LPP: variants seen among roughly 807,000 people sequenced by gnomAD.
The protein encoded by LPP is lipoma-preferred partner.
In LPP, 38 loss-of-function variants were observed where a neutral mutation model predicts 60.4. The ratio of observed to expected loss-of-function variants is 0.63; its 90% confidence interval spans 0.49 to 0.83. The LOEUF (loss-of-function observed/expected upper bound fraction) is 0.83. Ranked by LOEUF, LPP falls within the 40% of genes least tolerant of loss-of-function variation. The pLI is 0.00. For synonymous variants in LPP, 328 were observed against 290.8 expected (o/e 1.13, Z -1.30); for missense variants, 902 against 783.6 (o/e 1.15, Z -1.80).
chr3:188,883,025 A>G lies in LPP; in HGVS notation c.*8546A>G, dbSNP rs2152088149. On this transcript the variant is annotated 3_prime_UTR_variant, in exon 12 of 12. Transcript: ENST00000617246. ...CTGACTCTACTTAAACATCACCTGT[A>G]TCAGGGAGCTCATTATTCCTTGAGG... 1 of 198,180 alleles carries G rather than the reference A, an allele frequency of 5.0e-6. No individual in the cohort carries two copies. The highest frequency in any genetic ancestry group is 1.0e-5 in the Non-Finnish European group (1 of 95,774). 12.3% of individuals were successfully genotyped at this position (198,180 alleles called of 1,614,324 possible).
At chr3:188,564,819 T>C (rs866780545) in intron 6 of LPP, among the ~76,000 whole-genome samples, 89 of 152,056 alleles carry the variant, frequency 5.9e-4, no homozygotes, top group African/African-American at 2.1e-3. Flanking sequence ...GGTGGGTCTT[T>C]GTTGGACAAG....
At chr3:188,716,488 G>C (rs1241875870) in intron 8 of LPP, among the ~76,000 whole-genome samples, 2 of 152,210 alleles carry the variant, frequency 1.3e-5, no homozygotes, top group Non-Finnish European at 2.9e-5. Flanking sequence ...AAGTGAGCTT[G>C]TCCAGAGGAC....
intron 7 of LPP, among the ~76,000 whole-genome samples, chr3:188,660,174 G>C (rs925958741): frequency 2.6e-5 from 4 of 151,986 alleles, no homozygotes. Flanking sequence ...CTTTTGCCTT[G>C]GTTCTCCTGA....
At chr3:188,667,279 C>G (rs1269663070) in intron 7 of LPP, among the ~76,000 whole-genome samples, 2 of 151,936 alleles carry the variant, frequency 1.3e-5, no homozygotes, top group African/African-American at 4.8e-5. Context: ...GAGATAGAGA[C>G]CATCCTGGCT....
chr3:188,866,346 C>T lies in LPP; in HGVS notation c.1557C>T (p.Gly519=), dbSNP rs745721979. The T allele has an allele frequency of 3.3e-5, 52 of 1,559,506 alleles. No individual in the cohort carries two copies. In the Middle Eastern group the frequency reaches 5.1e-4, roughly 15 times the overall value. Residue 519 remains glycine (G), a synonymous_variant, in exon 10 of 12, where the codon GGC becomes GGT. Transcript: ENST00000617246. ...LDGIPFTVDA[G]GLIHCIEDFH... is the part of the protein sequence containing the mutation. ...GGATCCCATTCACTGTGGATGCTGGCGGGCTCATTCACTGCATTGAGGACT... is the reference window on the plus strand; with the variant it reads ...GGATCCCATTCACTGTGGATGCTGGTGGGCTCATTCACTGCATTGAGGACT...
At chr3:188,657,606 T>C (rs979250477) in intron 7 of LPP, among the ~76,000 whole-genome samples, 2 of 152,034 alleles carry the variant, frequency 1.3e-5, no homozygotes, top group East Asian at 3.9e-4. Context: ...GAGCCTGATA[T>C]CTATGGGCCT....
At position 188,875,412 on chromosome 3, in the gene LPP, A is replaced by G. The variant is rs1259258967; in HGVS notation, c.*933A>G. The G allele has an allele frequency of 4.6e-6, 1 of 217,032 alleles. No individual in the cohort carries two copies. Among genetic ancestry groups the G allele is most frequent in the African/African-American group, 2.3e-5 (1 of 44,418 alleles). 13.4% of individuals were successfully genotyped at this position (217,032 alleles called of 1,614,324 possible). The stretch of plus-strand genomic sequence containing the variant: ...GTTTATTCTAATATCCAACACAACT[A>G]TCAAAATTGCCTTTTTCTCTAGAGG... On this transcript the variant is annotated 3_prime_UTR_variant, in exon 12 of 12. Coordinates refer to ENST00000617246, the MANE Select transcript of LPP (RefSeq NM_001375462.1).
chr3:188,740,086 G>C (rs1723887481), intron 8 of LPP, among the ~76,000 whole-genome samples: 1 of 152,052 alleles, frequency 6.6e-6, no homozygotes, highest in South Asian at 2.1e-4. Flanking sequence ...AGGCCAGACT[G>C]TATCCCCTTA....
At chr3:188,768,768 A>G (rs921200898) in intron 9 of LPP, among the ~76,000 whole-genome samples, 3 of 152,206 alleles carry the variant, frequency 2.0e-5, no homozygotes, top group Admixed American at 1.3e-4. Flanking sequence ...GTTCTATTCC[A>G]TGATCATGTT....
At chr3:188,294,475 T>G (rs144538110) in intron 2 of LPP, among the ~76,000 whole-genome samples, 2 of 152,326 alleles carry the variant, frequency 1.3e-5, no homozygotes, top group East Asian at 1.9e-4. Context: ...AAATAAGTCA[T>G]GCATGCTTAA....
At chr3:188,236,368 G>A (rs1048175890) in intron 2 of LPP, among the ~76,000 whole-genome samples, 5 of 152,144 alleles carry the variant, frequency 3.3e-5, no homozygotes, top group African/African-American at 1.2e-4. Flanking sequence ...GAGATGTGTG[G>A]GTGGGATGGA....
intron 7 of LPP, among the ~76,000 whole-genome samples, chr3:188,623,547 C>T (rs552584155): frequency 9.2e-5 from 14 of 152,280 alleles, no homozygotes; most frequent in Non-Finnish European, 8.8e-5. Context: ...CATGAGCCAC[C>T]GTGCCCGGCT....
chr3:188,702,716 T>C lies in LPP; in HGVS notation c.1114-5551T>C, dbSNP rs145018935. Among the ~76,000 whole-genome samples the C allele has an allele frequency of 7.2e-3, 1,096 of 152,320 alleles. 15 individuals are homozygous for C. Among genetic ancestry groups the C allele is most frequent in the African/African-American group, 0.025 (1,050 of 41,562 alleles). On this transcript the variant is annotated intron_variant, in intron 7 of 11. Transcript: ENST00000617246. ...ATTTCAGAAACAAACATATTAGTGATTAAGATTGATACTTACAAGAATGTC... is the reference window on the plus strand; with the variant it reads ...ATTTCAGAAACAAACATATTAGTGACTAAGATTGATACTTACAAGAATGTC...
At chr3:188,614,363 T>C (rs555255508) in intron 7 of LPP, among the ~76,000 whole-genome samples, 1 of 152,178 alleles carries the variant, frequency 6.6e-6, no homozygotes, top group South Asian at 2.1e-4. Flanking sequence ...AGAAACAAAA[T>C]GGAAGAGATG....
At chr3:188,599,894 A>G (rs1269167025) in intron 6 of LPP, among the ~76,000 whole-genome samples, 1 of 151,796 alleles carries the variant, frequency 6.6e-6, no homozygotes, top group Non-Finnish European at 1.5e-5. Context: ...TGTGATTTTT[A>G]TTTCGTGCAT....
At chr3:188,536,182 T>C (rs1823563731) in intron 6 of LPP, among the ~76,000 whole-genome samples, 1 of 152,094 alleles carries the variant, frequency 6.6e-6, no homozygotes, top group South Asian at 2.1e-4. Context: ...CTAATTTTTG[T>C]GTTTTTAGTA....
chr3:188,261,180 C>G (rs1733491715), intron 2 of LPP, among the ~76,000 whole-genome samples: 1 of 152,116 alleles, frequency 6.6e-6, no homozygotes, highest in African/African-American at 2.4e-5. Flanking sequence ...ACAGCATCTC[C>G]CTTTGTCATC....
chr3:188,523,061 C>T (rs1271580656), intron 5 of LPP, among the ~76,000 whole-genome samples: 2 of 151,922 alleles, frequency 1.3e-5, no homozygotes, highest in Admixed American at 6.6e-5. Flanking sequence ...GGGCCTGCCA[C>T]CACACCCAGC....
intron 2 of LPP, among the ~76,000 whole-genome samples, chr3:188,261,801 C>A (rs1281830900): frequency 6.6e-6 from 1 of 151,964 alleles, no homozygotes; most frequent in Non-Finnish European, 1.5e-5. Context: ...GTAGTCCTAC[C>A]CACTCAGGAG....
Sources: gnomAD v4.1 joint callset for allele counts (sites outside exome capture counted in the v4.1 genomes callset) on GRCh38, gnomAD v4.1.1 for gene constraint, MANE v1.5 for transcripts, NCBI Gene and HGNC (gene_info 2026-07-23, HGNC 2026-07-21) for gene names.